The following AVEN variants were observed in gnomAD, a reference collection of about 807,000 sequenced individuals.
AVEN encodes the protein cell death regulator Aven.
A neutral mutation model predicts 38.1 loss-of-function variants in AVEN; 41 were observed. The observed-to-expected ratio is 1.08, with a 90% CI of 0.84 to 1.40. The LOEUF is 1.40. Among genes scored for constraint, AVEN ranks in the 40% most tolerant of loss-of-function variants. AVEN has a pLI of 0.00. For missense variants in AVEN, 605 were observed against 438.8 expected (o/e 1.38, Z -3.38); for synonymous variants, 206 against 171.8 (o/e 1.20, Z -1.56).
At chr15:33,892,698 T>C (rs1317217792) in intron 2 of AVEN, among the ~76,000 whole-genome samples, 1 of 150,812 alleles carries the variant, frequency 6.6e-6, no homozygotes, top group Non-Finnish European at 1.5e-5. Context: ...GTCTTGGCAA[T>C]GTGGGCTCTT....
At chr15:33,854,219 A>G (rs951634752), downstream of AVEN, among the ~76,000 whole-genome samples, 14 of 151,416 alleles carry the variant, frequency 9.2e-5, no homozygotes, top group African/African-American at 3.2e-4. Context: ...AATTCAGGCT[A>G]TGTGATTCAA....
chr15:34,028,497 C>G (rs1597369003), intron 1 of AVEN, among the ~76,000 whole-genome samples: 1 of 152,142 alleles, frequency 6.6e-6, no homozygotes, highest in East Asian at 1.9e-4. Context: ...CCAAGGAGGT[C>G]AAGGCTTTGG....
chr15:33,964,240 G>A (rs1314635514), intron 2 of AVEN, among the ~76,000 whole-genome samples: 4 of 152,172 alleles, frequency 2.6e-5, no homozygotes, highest in Admixed American at 2.0e-4. Flanking sequence ...ACTTACTAGG[G>A]TATGGTTGTA....
chr15:34,061,073 G>T (rs1297113947), intron 5 of AVEN, among the ~76,000 whole-genome samples: 2 of 151,826 alleles, frequency 1.3e-5, no homozygotes, highest in Non-Finnish European at 2.9e-5. Context: ...TGTCAAGGTG[G>T]TGTTTGTTAT....
chr15:33,944,221 C>T (rs1235916300), intron 2 of AVEN, among the ~76,000 whole-genome samples: 1 of 152,086 alleles, frequency 6.6e-6, no homozygotes, highest in Admixed American at 6.6e-5. Context: ...CTGCTCAATT[C>T]AACAAACATT....
intron 2 of AVEN, among the ~76,000 whole-genome samples, chr15:33,896,138 G>A (rs953970397): frequency 6.6e-6 from 1 of 152,084 alleles, no homozygotes; most frequent in African/African-American, 2.4e-5. Context: ...AAACTACATA[G>A]TATTTATAGG....
chr15:33,990,607 T>C (rs1017282812), intron 2 of AVEN: 2 of 152,240 alleles, frequency 1.3e-5, no homozygotes, highest in Admixed American at 6.5e-5. Context: ...CAGTCCTTCA[T>C]GTGAACTTGA....
chr15:33,911,068 C>CATGTTT (rs1892898213), intron 2 of AVEN, among the ~76,000 whole-genome samples: 1 of 152,142 alleles, frequency 6.6e-6, no homozygotes, highest in Non-Finnish European at 1.5e-5. Flanking sequence ...TGCATAGAAG[C>CATGTTT]CAACCCATTA....
chr15:33,878,912 A>G (rs1241379210), intron 2 of AVEN, among the ~76,000 whole-genome samples: 1 of 152,168 alleles, frequency 6.6e-6, no homozygotes, highest in Non-Finnish European at 1.5e-5. Flanking sequence ...TGCCTTATTC[A>G]GTGTTGTTTT....
intron 2 of AVEN, among the ~76,000 whole-genome samples, chr15:33,878,256 G>C (rs941379080): frequency 2.0e-5 from 3 of 151,998 alleles, no homozygotes; most frequent in Admixed American, 1.3e-4. Flanking sequence ...TAAAGAAGTT[G>C]TCTTATTGAT....
chr15:34,055,005 C>G (rs1463697320), intron 5 of AVEN, among the ~76,000 whole-genome samples: 1 of 151,968 alleles, frequency 6.6e-6, no homozygotes, highest in African/African-American at 2.4e-5. Context: ...CCAGCCTGAC[C>G]AACATGGAGA....
At chr15:33,968,257 C>T (rs1401990455) in intron 2 of AVEN, among the ~76,000 whole-genome samples, 3 of 151,990 alleles carry the variant, frequency 2.0e-5, no homozygotes, top group Admixed American at 6.6e-5. Flanking sequence ...TGTCAAATAA[C>T]TCTTGCCCAT....
chr15:33,954,098 T>C (rs547037773), intron 2 of AVEN, among the ~76,000 whole-genome samples: 166 of 152,246 alleles, frequency 1.1e-3, no homozygotes, highest in South Asian at 1.2e-3. Context: ...AAAACCACAA[T>C]GAGATACCAT....
At chr15:33,966,764 G>A (rs181133428) in intron 2 of AVEN, among the ~76,000 whole-genome samples, 2 of 152,180 alleles carry the variant, frequency 1.3e-5, no homozygotes, top group Admixed American at 1.3e-4. Context: ...TTGTATTCTT[G>A]GAAAAGTTAA....
chr15:33,883,661 A>G (rs564805847), intron 2 of AVEN: 1 of 152,354 alleles, frequency 6.6e-6, no homozygotes, highest in Admixed American at 6.5e-5. Flanking sequence ...CCTATTTTTA[A>G]AATGATTATC....
chr15:34,045,478 T>G (rs576145001), intron 5 of AVEN, among the ~76,000 whole-genome samples: 2 of 152,338 alleles, frequency 1.3e-5, no homozygotes, highest in South Asian at 4.1e-4. Flanking sequence ...TCCTTCCTCA[T>G]ATCTAACACA....
rs548383353 is a variant in AVEN, at chr15:33,940,165, T to A, written c.445+62867A>T. On this transcript the variant is annotated intron_variant, in intron 2 of 5. Transcript: ENST00000306730. Reference sequence around the variant, plus strand: ...AAGCCACCCAGTTTAAGTATTTTGTTATAGCAGCCTAAGCTATGACGCATT... The same window carrying A: ...AAGCCACCCAGTTTAAGTATTTTGTAATAGCAGCCTAAGCTATGACGCATT... Among the ~76,000 whole-genome samples the A allele has an allele frequency of 6.6e-5, 10 of 152,320 alleles. No individual in the cohort carries two copies. The South Asian group carries it at 2.1e-3, about 32-fold the overall frequency.
intron 2 of AVEN, among the ~76,000 whole-genome samples, chr15:33,899,640 T>G (rs1389928039): frequency 1.3e-5 from 2 of 151,016 alleles, no homozygotes; most frequent in African/African-American, 2.4e-5. Context: ...AGCTGATTTT[T>G]TATTTTTAGT....
At chr15:33,935,714 G>A (rs1156747156) in intron 2 of AVEN, among the ~76,000 whole-genome samples, 2 of 152,148 alleles carry the variant, frequency 1.3e-5, no homozygotes, top group African/African-American at 4.8e-5. Context: ...CTAGCGGAAA[G>A]TAGAGATTGA....
Sources: allele counts gnomAD v4.1 joint callset (sites outside exome capture counted in the v4.1 genomes callset), GRCh38; gene constraint gnomAD v4.1.1; transcripts MANE v1.5; gene names NCBI Gene and HGNC (gene_info 2026-07-23, HGNC 2026-07-21).